Variants in TMTC2 observed in about 807,000 individuals in gnomAD.
The protein encoded by TMTC2 is transmembrane O-mannosyltransferase targeting cadherins 2.
Under a neutral mutation model 82.4 loss-of-function variants are expected in TMTC2, and 43 were observed. That is an observed-to-expected ratio of 0.52 (90% confidence interval 0.41 to 0.67). TMTC2 has a LOEUF of 0.67. TMTC2 is among the 30% of genes least tolerant of loss of function. The pLI, the probability that TMTC2 is intolerant of heterozygous loss-of-function variation, is 0.00. For synonymous variants in TMTC2, 408 were observed against 381.9 expected (o/e 1.07, Z -0.80); for missense variants, 919 against 1,012.4 (o/e 0.91, Z 1.25).
intron 9 of TMTC2, among the ~76,000 whole-genome samples, chr12:83,049,719 T>C (rs1161644963): frequency 1.3e-5 from 2 of 152,200 alleles, no homozygotes; most frequent in Non-Finnish European, 2.9e-5. Context: ...CTGCTTTAAG[T>C]TCTTTGAGAA....
chr12:82,692,619 G>A (rs1872625712), intron 1 of TMTC2, among the ~76,000 whole-genome samples: 1 of 152,178 alleles, frequency 6.6e-6, no homozygotes. Context: ...CATCTGAAGT[G>A]CTTTTAACAC....
At chr12:82,799,079 A>G (rs1464627869) in intron 1 of TMTC2, among the ~76,000 whole-genome samples, 5 of 152,190 alleles carry the variant, frequency 3.3e-5, no homozygotes, top group Non-Finnish European at 7.3e-5. Flanking sequence ...TTCTTGCTAT[A>G]AAATATTTTC....
chr12:83,014,416 T>C (rs1796172), intron 8 of TMTC2, among the ~76,000 whole-genome samples: 119,526 of 151,772 alleles, frequency 0.79, 47,911 homozygotes, highest in South Asian at 0.93. Context: ...TCTCAGCTCA[T>C]GCAACCTCCG....
At chr12:82,731,351 A>G (rs939873467) in intron 1 of TMTC2, among the ~76,000 whole-genome samples, 1 of 152,226 alleles carries the variant, frequency 6.6e-6, no homozygotes, top group Non-Finnish European at 1.5e-5. Flanking sequence ...AGATTTGGCA[A>G]GTATGAATTT....
At chr12:82,994,157 T>G (rs1418831055) in intron 8 of TMTC2, among the ~76,000 whole-genome samples, 1 of 152,190 alleles carries the variant, frequency 6.6e-6, no homozygotes, top group Admixed American at 6.5e-5. Context: ...TTTTAAAATT[T>G]TATTTTTTAT....
In TMTC2 at chr12:82,896,009, G is replaced by T; in HGVS notation, c.846G>T (p.Trp282Cys). 6.2e-7 allele frequency: 1 copy of T among 1,613,796 alleles called. No homozygotes were observed. Among genetic ancestry groups the T allele is most frequent in the East Asian group, 2.2e-5 (1 of 44,842 alleles). ...TCTACTTGCCAACCAAGAACCTCTG[G>T]CTGTTGCTATGTCCAGATACCCTCA... is the stretch of plus-strand genomic sequence containing the variant. ...TFFYLPTKNL[W>C]LLLCPDTLSF... Residue 282 changes from tryptophan to cysteine, a missense_variant, in exon 3 of 12, where the codon TGG becomes TGT. Physicochemically the swap from Trp to Cys is radical, Grantham distance 215. Coordinates refer to ENST00000321196, the MANE Select transcript of TMTC2 (RefSeq NM_152588.3).
chr12:82,885,950 A>AT (rs1873077931), intron 2 of TMTC2, among the ~76,000 whole-genome samples: 1 of 152,220 alleles, frequency 6.6e-6, no homozygotes, highest in Non-Finnish European at 1.5e-5. Context: ...TGGAGAATAT[A>AT]TATAAGTTAT....
At chr12:82,845,827 A>G (rs1870629365) in intron 1 of TMTC2, among the ~76,000 whole-genome samples, 1 of 152,060 alleles carries the variant, frequency 6.6e-6, no homozygotes, top group Non-Finnish European at 1.5e-5. Context: ...ATTTTGCAAA[A>G]TGCTTTTCAT....
intron 1 of TMTC2, among the ~76,000 whole-genome samples, chr12:82,846,477 G>A (rs1303997687): frequency 6.6e-6 from 1 of 151,996 alleles, no homozygotes; most frequent in African/African-American, 2.4e-5. Context: ...AACATCTTGG[G>A]GGCTGAGTTT....
intron 1 of TMTC2, among the ~76,000 whole-genome samples, chr12:82,802,974 G>A (rs1195119429): frequency 6.6e-6 from 1 of 152,170 alleles, no homozygotes; most frequent in Admixed American, 6.5e-5. Context: ...TCGGAATGTA[G>A]AGAGAATGAC....
chr12:82,899,666 A>AAAAT (rs1565800126), intron 3 of TMTC2, among the ~76,000 whole-genome samples: 79 of 139,446 alleles, frequency 5.7e-4, no homozygotes, highest in African/African-American at 2.1e-3. Flanking sequence ...TATATATAAG[A>AAAAT]ATATATATGT....
intron 11 of TMTC2, among the ~76,000 whole-genome samples, chr12:83,083,397 C>T (rs1883541138): frequency 6.6e-6 from 1 of 152,168 alleles, no homozygotes; most frequent in African/African-American, 2.4e-5. Context: ...GCTCAAATAG[C>T]ATCTCCTATC....
At chr12:82,932,128 C>G (rs1272051653) in intron 4 of TMTC2, among the ~76,000 whole-genome samples, 1 of 151,984 alleles carries the variant, frequency 6.6e-6, no homozygotes, top group East Asian at 1.9e-4. Context: ...TTGGCTAAGT[C>G]TAAAGGCACA....
Position 82,992,103 on chromosome 12 carries a change from A to G in TMTC2, c.2070+6057A>G, listed in dbSNP as rs1409795462. On this transcript the variant is annotated intron_variant, in intron 8 of 11. Coordinates refer to ENST00000321196, the MANE Select transcript of TMTC2 (RefSeq NM_152588.3). ...TGAGCCAGACTCCTGTGTCTAGCCA[A>G]AGTTAATTAGGCTACATAAAACTCC... Among the ~76,000 whole-genome samples the G allele has an allele frequency of 3.3e-5, 5 of 152,208 alleles. No homozygotes were observed. In the East Asian group the frequency reaches 9.6e-4, roughly 29 times the overall value.
intron 1 of TMTC2, among the ~76,000 whole-genome samples, chr12:82,821,263 G>A (rs1391807620): frequency 1.3e-5 from 2 of 152,132 alleles, no homozygotes; most frequent in Non-Finnish European, 2.9e-5. Context: ...AGCAAATAGG[G>A]GAGTACCTTC....
At chr12:83,119,450 TTC>T (rs1306389862) in intron 11 of TMTC2, among the ~76,000 whole-genome samples, 1 of 152,208 alleles carries the variant, frequency 6.6e-6, no homozygotes, top group Non-Finnish European at 1.5e-5. Context: ...ATTTGCATGG[TTC>T]TGAAGGTTCC....
At chr12:82,918,709 TTTTCTTCTC>T (rs1875173674) in intron 3 of TMTC2, among the ~76,000 whole-genome samples, 2 of 107,834 alleles carry the variant, frequency 1.9e-5, no homozygotes, top group African/African-American at 7.5e-5. Context: ...ATCTTTTTTC[TTTTCTTCTC>T]TCTCTCTCTC....
At chr12:82,925,978 TG>T (rs1266339809) in intron 3 of TMTC2, among the ~76,000 whole-genome samples, 10 of 112,542 alleles carry the variant, frequency 8.9e-5, no homozygotes, top group African/African-American at 3.3e-4. Flanking sequence ...TGGAGAAAAT[TG>T]TTTTTTTTTT....
intron 8 of TMTC2, among the ~76,000 whole-genome samples, chr12:83,009,634 CT>C (rs948686346): frequency 1.3e-5 from 2 of 151,748 alleles, no homozygotes; most frequent in African/African-American, 4.9e-5. Context: ...TTTAGATTTC[CT>C]TTTTCCCCCA....
Sources: allele counts gnomAD v4.1 joint callset (sites outside exome capture counted in the v4.1 genomes callset), GRCh38; gene constraint gnomAD v4.1.1; transcripts MANE v1.5; gene names NCBI Gene and HGNC (gene_info 2026-07-23, HGNC 2026-07-21).